The following FYB1 variants were observed in gnomAD, a reference collection of about 807,000 sequenced individuals.
FYB1 encodes FYN-binding protein 1.
In FYB1, 41 loss-of-function variants were observed where a neutral mutation model predicts 94.1. That is an observed-to-expected ratio of 0.44 (90% confidence interval 0.34 to 0.57). FYB1 has a LOEUF of 0.57. Among genes scored for constraint, FYB1 ranks in the 20% least tolerant of loss-of-function variants. The probability of loss-of-function intolerance (pLI) is 0.02; values close to 1 mark genes in which losing one functional copy is unlikely to be tolerated. For missense variants in FYB1, 1,050 were observed against 976.8 expected (o/e 1.07, Z -1.00); for synonymous variants, 367 against 353.2 (o/e 1.04, Z -0.44).
chr5:39,267,763 A>G (rs1752493832), intron 1 of FYB1, among the ~76,000 whole-genome samples: 1 of 152,268 alleles, frequency 6.6e-6, no homozygotes, highest in Admixed American at 6.5e-5. Flanking sequence ...ATAGTAAGAA[A>G]CTTAAAGTAT....
At chr5:39,176,000 C>A (rs1341041390) in intron 2 of FYB1, among the ~76,000 whole-genome samples, 1 of 151,944 alleles carries the variant, frequency 6.6e-6, no homozygotes, top group Non-Finnish European at 1.5e-5. Flanking sequence ...ATTATGTGCT[C>A]CAGGGGCCGG....
At chr5:39,177,218 C>T (rs1423486075) in intron 2 of FYB1, among the ~76,000 whole-genome samples, 1 of 152,204 alleles carries the variant, frequency 6.6e-6, no homozygotes, top group Non-Finnish European at 1.5e-5. Flanking sequence ...ATCTTGTTTC[C>T]TGAGGGCTGT....
At chr5:39,157,505 G>A (rs931687903) in intron 2 of FYB1, among the ~76,000 whole-genome samples, 1 of 152,124 alleles carries the variant, frequency 6.6e-6, no homozygotes, top group Non-Finnish European at 1.5e-5. Flanking sequence ...GGCTCTTAAA[G>A]ATGAATGACT....
intron 13 of FYB1, among the ~76,000 whole-genome samples, chr5:39,122,671 A>G (rs1218658371): frequency 6.6e-6 from 1 of 152,106 alleles, no homozygotes; most frequent in Admixed American, 6.6e-5. Flanking sequence ...AACAGTGACT[A>G]TGATTATCTG....
chr5:39,115,217 T>C (rs142709004), intron 16 of FYB1, among the ~76,000 whole-genome samples: 2,402 of 152,022 alleles, frequency 0.016, 21 homozygotes, highest in Middle Eastern at 0.024. Context: ...TGCCTCAGCC[T>C]CTCTAGTAGC....
chr5:39,139,537 A>T (rs1741971375), intron 4 of FYB1: 1 of 191,830 alleles, frequency 5.2e-6, no homozygotes, highest in Admixed American at 6.0e-5. Flanking sequence ...ATGAAAAGGG[A>T]TGTCCATTTG....
chr5:39,170,497 A>C (rs1033752434), intron 2 of FYB1, among the ~76,000 whole-genome samples: 1 of 152,080 alleles, frequency 6.6e-6, no homozygotes, highest in African/African-American at 2.4e-5. Flanking sequence ...CCAATACATG[A>C]GAATTCCCCA....
intron 9 of FYB1, among the ~76,000 whole-genome samples, chr5:39,131,291 G>A (rs1443866542): frequency 1.3e-5 from 2 of 152,108 alleles, no homozygotes; most frequent in Non-Finnish European, 2.9e-5. Context: ...TGTAGACTGT[G>A]AGAATGGAAA....
intron 9 of FYB1, among the ~76,000 whole-genome samples, chr5:39,132,302 C>T (rs1741270419): frequency 6.6e-6 from 1 of 152,214 alleles, no homozygotes; most frequent in Non-Finnish European, 1.5e-5. Flanking sequence ...CGGCTACACT[C>T]AGCATCTTCC....
intron 16 of FYB1, 123 bp from the exon 17 acceptor site, chr5:39,110,512 T>C (rs956259120): frequency 1.9e-6 from 1 of 530,960 alleles, no homozygotes; most frequent in Non-Finnish European, 3.3e-6. Context: ...TATCTATCTC[T>C]GGAAATGACC....
At chr5:39,170,211 AT>A in intron 2 of FYB1, 2 of 854,094 alleles carry the variant, frequency 2.3e-6, no homozygotes, top group Admixed American at 1.9e-5. Flanking sequence ...TATAGTCAGT[AT>A]TTTTGCTATA....
intron 1 of FYB1, among the ~76,000 whole-genome samples, chr5:39,264,379 T>C (rs188987868): frequency 6.6e-6 from 1 of 152,350 alleles, no homozygotes; most frequent in African/African-American, 2.4e-5. Flanking sequence ...TCTTGGACTT[T>C]GTAGCCCGCA....
At chr5:39,126,756 T>A (rs550164332) in intron 11 of FYB1, among the ~76,000 whole-genome samples, 36 of 114,374 alleles carry the variant, frequency 3.1e-4, no homozygotes, top group Admixed American at 4.5e-4. Context: ...ATGATTAAAA[T>A]GAAGTAATTA....
At position 39,106,047 on chromosome 5, in the gene FYB1, A is replaced by G. The variant is rs535996781; in HGVS notation, c.*1396T>C. ...ACTCCAATGGGCCTTTGCAATATTA[A>G]AATGTGGAGAATGCATTAATCATTA... On this transcript the variant is annotated 3_prime_UTR_variant, in exon 19 of 19. Transcript: ENST00000512982. 61 of 152,332 alleles carry G rather than the reference A, an allele frequency of 4.0e-4. 1 individual carries two copies. The highest frequency in any genetic ancestry group is 1.4e-3 in the African/African-American group (59 of 41,588). The allele number at this position is 152,332 out of a possible 1,614,324, so 9.4% of individuals were successfully genotyped here.
intron 2 of FYB1, chr5:39,169,867 G>C (rs1400783827): frequency 1.8e-6 from 1 of 553,778 alleles, no homozygotes; most frequent in Non-Finnish European, 3.4e-6. Flanking sequence ...TGACGTCCAA[G>C]AACTCTGAAA....
intron 1 of FYB1, among the ~76,000 whole-genome samples, chr5:39,253,714 G>A (rs1751825857): frequency 6.6e-6 from 1 of 151,684 alleles, no homozygotes; most frequent in Non-Finnish European, 1.5e-5. Flanking sequence ...AGGTAAATGT[G>A]TGTTGTAATG....
chr5:39,114,905 G>A (rs1331432468), intron 16 of FYB1, among the ~76,000 whole-genome samples: 3 of 151,984 alleles, frequency 2.0e-5, no homozygotes, highest in African/African-American at 7.2e-5. Context: ...ATAATAGGTT[G>A]GTAAAACAAT....
At chr5:39,217,591 T>A (rs1298795314) in intron 1 of FYB1, among the ~76,000 whole-genome samples, 1 of 152,112 alleles carries the variant, frequency 6.6e-6, no homozygotes, top group Non-Finnish European at 1.5e-5. Context: ...GTTATCCCCA[T>A]TTGACAGATA....
At chr5:39,189,090 G>A (rs1747118009) in intron 2 of FYB1, among the ~76,000 whole-genome samples, 1 of 152,126 alleles carries the variant, frequency 6.6e-6, no homozygotes, top group Non-Finnish European at 1.5e-5. Flanking sequence ...TTTCTCCTCA[G>A]AGATCCATTT....
Sources: allele counts gnomAD v4.1 joint callset (sites outside exome capture counted in the v4.1 genomes callset), GRCh38; gene constraint gnomAD v4.1.1; transcripts MANE v1.5; gene names NCBI Gene and HGNC (gene_info 2026-07-23, HGNC 2026-07-21).